Variants in SLC16A12 observed in about 807,000 individuals in gnomAD.
SLC16A12 encodes the protein solute carrier family 16 member 12, also known as monocarboxylate transporter 12.
A neutral mutation model predicts 42.4 loss-of-function variants in SLC16A12; 17 were observed. That is an observed-to-expected ratio of 0.40 (90% CI 0.27 to 0.60). SLC16A12 has a LOEUF of 0.60. Among genes scored for constraint, SLC16A12 ranks in the 20% least tolerant of loss-of-function variants. The pLI is 0.42. For synonymous variants in SLC16A12, 224 were observed against 229.4 expected, an observed-to-expected ratio of 0.98 and a Z score of 0.21; for missense variants, 544 against 623.0, an observed-to-expected ratio of 0.87 and a Z score of 1.35.
chr10:89,478,528 C>G (rs1842615754), intron 2 of SLC16A12, among the ~76,000 whole-genome samples: 1 of 152,192 alleles, frequency 6.6e-6, no homozygotes, highest in African/African-American at 2.4e-5. Context: ...TGGGCTTTGC[C>G]TTTAAACTAG....
intron 2 of SLC16A12, among the ~76,000 whole-genome samples, chr10:89,506,427 A>G (rs1843062718): frequency 6.6e-6 from 1 of 152,246 alleles, no homozygotes; most frequent in South Asian, 2.1e-4. Context: ...GATACCTGGC[A>G]AACAAGGTCT....
intron 2 of SLC16A12, among the ~76,000 whole-genome samples, chr10:89,502,004 T>G (rs1842997053): frequency 6.6e-6 from 1 of 152,210 alleles, no homozygotes; most frequent in South Asian, 2.1e-4. Flanking sequence ...AATTGTCTCA[T>G]GAATTGAAGA....
At chr10:89,549,599 G>T (rs976454541) in intron 2 of SLC16A12, among the ~76,000 whole-genome samples, 4 of 151,184 alleles carry the variant, frequency 2.6e-5, no homozygotes, top group Non-Finnish European at 5.9e-5. Flanking sequence ...AGTGTTTTGG[G>T]TTTTTTTTTA....
At chr10:89,513,728 G>A (rs535632644) in intron 2 of SLC16A12, among the ~76,000 whole-genome samples, 1 of 152,186 alleles carries the variant, frequency 6.6e-6, no homozygotes, top group African/African-American at 2.4e-5. Context: ...GTAGAACAAG[G>A]GACTAGTCAG....
intron 2 of SLC16A12, among the ~76,000 whole-genome samples, chr10:89,463,299 T>G (rs1842333606): frequency 6.6e-6 from 1 of 152,210 alleles, no homozygotes; most frequent in African/African-American, 2.4e-5. Context: ...AATGCTGTAA[T>G]TTTTTAAGTG....
intron 6 of SLC16A12, among the ~76,000 whole-genome samples, chr10:89,436,868 A>AAAAAAAGAAAG (rs1554884214): frequency 1.7e-5 from 2 of 120,424 alleles, no homozygotes; most frequent in Non-Finnish European, 3.5e-5. Context: ...GAAATAAAGA[A>AAAAAAAGAAAG]AAAGAAAGAA....
At chr10:89,542,609 T>C (rs969519808) in intron 2 of SLC16A12, among the ~76,000 whole-genome samples, 8 of 152,164 alleles carry the variant, frequency 5.3e-5, no homozygotes, top group Non-Finnish European at 8.8e-5. Flanking sequence ...TGGCCTGTTA[T>C]ATTTTCTTAA....
chr10:89,506,951 G>A (rs895260889), intron 2 of SLC16A12, among the ~76,000 whole-genome samples: 4 of 151,846 alleles, frequency 2.6e-5, no homozygotes, highest in African/African-American at 9.7e-5. Flanking sequence ...AATAGCCAAA[G>A]TGATCAAGCA....
At chr10:89,541,260 G>C (rs940848035) in intron 2 of SLC16A12, among the ~76,000 whole-genome samples, 1 of 151,996 alleles carries the variant, frequency 6.6e-6, no homozygotes, top group African/African-American at 2.4e-5. Flanking sequence ...TCGAGCCTCA[G>C]ATTTCTCATC....
At chr10:89,525,597 G>A (rs1453413481) in intron 2 of SLC16A12, among the ~76,000 whole-genome samples, 1 of 152,164 alleles carries the variant, frequency 6.6e-6, no homozygotes, top group Non-Finnish European at 1.5e-5. Context: ...ATTTTAACAA[G>A]TATCTTATTT....
chr10:89,511,671 T>C (rs1288820619), intron 2 of SLC16A12, among the ~76,000 whole-genome samples: 1 of 152,162 alleles, frequency 6.6e-6, no homozygotes, highest in Non-Finnish European at 1.5e-5. Flanking sequence ...ACATGGCACA[T>C]GTATACCTCT....
chr10:89,438,848 A>G lies in SLC16A12; in HGVS notation c.784T>C (p.Trp262Arg), dbSNP rs572413833. 3.7e-6 allele frequency: 6 copies of G among 1,614,214 alleles called. 1 individual carries two copies. In the Admixed American group the frequency reaches 5.0e-5, roughly 13 times the overall value. Residue 262 changes from tryptophan (W) to arginine (R), a missense_variant, in exon 6 of 8, where the codon TGG becomes CGG. By Grantham distance (101) the Trp-to-Arg change is moderately radical. Transcript: ENST00000371790. ...CAGCAACAGAGGCAAGTCTGTGCCC[A>G]TTCTTTGGTCAAAGATGAATAGGGA... The part of the protein sequence containing the change: ...VSPYSSLTKE[W>R]AQTCLCCCLQ...
chr10:89,491,935 A>G (rs536325515), intron 2 of SLC16A12, among the ~76,000 whole-genome samples: 5 of 152,360 alleles, frequency 3.3e-5, no homozygotes, highest in Middle Eastern at 6.8e-3. Flanking sequence ...AAGGGAGAAA[A>G]ACATATAGAC....
intron 2 of SLC16A12, among the ~76,000 whole-genome samples, chr10:89,519,159 A>G (rs1843307229): frequency 6.6e-6 from 1 of 152,162 alleles, no homozygotes; most frequent in African/African-American, 2.4e-5. Context: ...ACTCCAAAAC[A>G]CATATCCCAT....
chr10:89,472,578 C>T (rs2133770938), intron 2 of SLC16A12, among the ~76,000 whole-genome samples: 1 of 148,042 alleles, frequency 6.8e-6, no homozygotes, highest in Non-Finnish European at 1.5e-5. Context: ...CTATAACCTC[C>T]ACCTCCTAGG....
chr10:89,519,448 A>C (rs573485015), intron 2 of SLC16A12, among the ~76,000 whole-genome samples: 147 of 152,288 alleles, frequency 9.7e-4, no homozygotes, highest in Admixed American at 2.6e-3. Flanking sequence ...CAATTTACTC[A>C]TAAATTGTTT....
chr10:89,486,873 T>A (rs1842764363), intron 2 of SLC16A12, among the ~76,000 whole-genome samples: 1 of 152,154 alleles, frequency 6.6e-6, no homozygotes, highest in East Asian at 1.9e-4. Flanking sequence ...AAAAGTTGAT[T>A]TTCTGCTTAG....
upstream of SLC16A12, among the ~76,000 whole-genome samples, chr10:89,540,410 T>C (rs763510740): frequency 6.6e-6 from 1 of 152,174 alleles, no homozygotes; most frequent in Non-Finnish European, 1.5e-5. Flanking sequence ...AGAGTCCACC[T>C]TCTTTATCAT....
intron 4 of SLC16A12, among the ~76,000 whole-genome samples, chr10:89,443,051 AG>A (rs1841938983): frequency 6.6e-6 from 1 of 152,202 alleles, no homozygotes; most frequent in Non-Finnish European, 1.5e-5. Context: ...AACAAATGCC[AG>A]GTTTGTTGTC....
Sources: gnomAD v4.1 joint callset for allele counts (sites outside exome capture counted in the v4.1 genomes callset) on GRCh38, gnomAD v4.1.1 for gene constraint, MANE v1.5 for transcripts, NCBI Gene and HGNC (gene_info 2026-07-23, HGNC 2026-07-21) for gene names.